The following ZBTB20 variants were observed in gnomAD, a reference collection of about 807,000 sequenced individuals.
ZBTB20 encodes zinc finger and BTB domain-containing protein 20.
ZBTB20 carries 9 observed loss-of-function variants against 56.9 expected under a neutral mutation model. That is an observed-to-expected ratio of 0.16 (90% CI 0.10 to 0.28). The LOEUF (loss-of-function observed/expected upper bound fraction) is 0.28. ZBTB20 is among the 10% of genes least tolerant of loss of function. The pLI is 1.00. For synonymous variants in ZBTB20, 417 were observed against 420.7 expected (o/e 0.99, Z 0.11); for missense variants, 655 against 1,003.0 (o/e 0.65, Z 4.69).
chr3:114,993,573 C>T (rs2078908178), intron 2 of ZBTB20, among the ~76,000 whole-genome samples: 1 of 151,428 alleles, frequency 6.6e-6, no homozygotes, highest in South Asian at 2.1e-4. Context: ...GGTATCTGAC[C>T]ACAATGGAAT....
intron 2 of ZBTB20, among the ~76,000 whole-genome samples, chr3:115,004,158 G>C (rs1391780322): frequency 1.3e-5 from 2 of 151,580 alleles, no homozygotes; most frequent in African/African-American, 2.4e-5. Flanking sequence ...TCTGCTCGTG[G>C]TTTCAATCTC....
intron 5 of ZBTB20, among the ~76,000 whole-genome samples, chr3:114,748,299 T>C (rs2067229457): frequency 1.5e-5 from 2 of 135,614 alleles, no homozygotes; most frequent in African/African-American, 3.0e-5. Context: ...TCTTTCTTTC[T>C]TTCTTTCTTT....
At chr3:114,503,587 T>C (rs1196244327) in intron 6 of ZBTB20, among the ~76,000 whole-genome samples, 1 of 152,222 alleles carries the variant, frequency 6.6e-6, no homozygotes, top group Admixed American at 6.5e-5. Flanking sequence ...GAATTATCTA[T>C]AAAAGTTTCA....
intron 6 of ZBTB20, among the ~76,000 whole-genome samples, chr3:114,690,733 C>A (rs1023345949): frequency 6.6e-6 from 1 of 152,116 alleles, no homozygotes; most frequent in African/African-American, 2.4e-5. Flanking sequence ...TTTCTAAATG[C>A]CTCACATACC....
At chr3:114,609,577 G>A (rs886192711) in intron 6 of ZBTB20, among the ~76,000 whole-genome samples, 25 of 152,178 alleles carry the variant, frequency 1.6e-4, no homozygotes, top group Non-Finnish European at 4.4e-5. Flanking sequence ...ATATTGAGAT[G>A]ATGAAGACCA....
At chr3:114,865,379 T>A (rs2075723705) in intron 4 of ZBTB20, among the ~76,000 whole-genome samples, 2 of 152,206 alleles carry the variant, frequency 1.3e-5, no homozygotes, top group African/African-American at 4.8e-5. Context: ...TCTGAAATTC[T>A]GCGTCTTCTT....
chr3:114,801,828 G>A (rs2071744213), intron 4 of ZBTB20, among the ~76,000 whole-genome samples: 1 of 151,844 alleles, frequency 6.6e-6, no homozygotes, highest in African/African-American at 2.4e-5. Context: ...AGCAGCACAG[G>A]AAGACCAAGA....
intron 2 of ZBTB20, among the ~76,000 whole-genome samples, chr3:115,050,720 T>C (rs2081514254): frequency 6.6e-6 from 1 of 152,048 alleles, no homozygotes. Context: ...AGGTAACTTT[T>C]CACCGAAACT....
Position 115,043,350 on chromosome 3 carries a change from G to A in ZBTB20, c.-507+27869C>T, listed in dbSNP as rs183697423. Among the ~76,000 whole-genome samples, 592 of 151,572 alleles carry A rather than the reference G, an allele frequency of 3.9e-3. 4 individuals are homozygous for A. The highest frequency in any genetic ancestry group is 0.013 in the African/African-American group (552 of 41,304). On this transcript the variant is annotated intron_variant, in intron 2 of 11. Coordinates refer to ENST00000675478, the MANE Select transcript of ZBTB20 (RefSeq NM_001348800.3). Reference sequence around the variant, plus strand: ...AAGGTGGGCGGATCACTTGAGGTCAGGAGTTTGAAACCAGCCTGGCCAACA... The same window carrying A: ...AAGGTGGGCGGATCACTTGAGGTCAAGAGTTTGAAACCAGCCTGGCCAACA...
At chr3:114,895,967 C>G (rs1048232285) in intron 4 of ZBTB20, among the ~76,000 whole-genome samples, 2 of 152,088 alleles carry the variant, frequency 1.3e-5, no homozygotes, top group African/African-American at 4.8e-5. Flanking sequence ...TAAATTCAAA[C>G]TCAAGCATGA....
chr3:115,035,992 G>A (rs1234168167), intron 2 of ZBTB20, among the ~76,000 whole-genome samples: 1 of 152,156 alleles, frequency 6.6e-6, no homozygotes, highest in Admixed American at 6.5e-5. Context: ...AATATTGTAT[G>A]ATCCAATTTA....
At chr3:114,377,094 TG>T (rs1366103926) in intron 10 of ZBTB20, among the ~76,000 whole-genome samples, 1 of 152,216 alleles carries the variant, frequency 6.6e-6, no homozygotes, top group East Asian at 1.9e-4. Flanking sequence ...AGGGAGCACT[TG>T]GCTCAGCTCA....
intron 2 of ZBTB20, among the ~76,000 whole-genome samples, chr3:114,991,486 T>C (rs2078807351): frequency 6.6e-6 from 1 of 152,166 alleles, no homozygotes; most frequent in East Asian, 1.9e-4. Flanking sequence ...TTATAATTTC[T>C]GTTCTTTTAC....
At chr3:114,762,649 G>A (rs1283296421) in intron 5 of ZBTB20, among the ~76,000 whole-genome samples, 1 of 152,116 alleles carries the variant, frequency 6.6e-6, no homozygotes, top group Non-Finnish European at 1.5e-5. Context: ...TATTTTGTAT[G>A]GGAAAACCAG....
At chr3:114,871,902 G>A (rs610824) in intron 4 of ZBTB20, among the ~76,000 whole-genome samples, 8,950 of 152,010 alleles carry the variant, frequency 0.059, 907 homozygotes, top group African/African-American at 0.21. Context: ...TTCAAAATAT[G>A]CTCCTAATCT....
At chr3:114,358,668 A>G (rs1046267895) in intron 10 of ZBTB20, among the ~76,000 whole-genome samples, 5 of 152,148 alleles carry the variant, frequency 3.3e-5, no homozygotes, top group African/African-American at 1.2e-4. Flanking sequence ...AATACAACTG[A>G]CTTATGAATG....
In ZBTB20 at chr3:114,844,540, AAAAAAAAAAAAACTT is replaced by A. The variant is rs1394402338; in HGVS notation, c.-416-43381_-416-43367del. Among the ~76,000 whole-genome samples, 1,246 of 142,144 alleles carry A rather than the reference AAAAAAAAAAAAACTT, an allele frequency of 8.8e-3. 30 individuals are homozygous for A. Among genetic ancestry groups the A allele is most frequent in the African/African-American group, 0.03 (1,171 of 38,640 alleles). 93.3% of individuals were successfully genotyped at this position (142,144 alleles called of 152,430 possible). On this transcript the variant is annotated intron_variant, in intron 4 of 11. Transcript: ENST00000675478. ...TGTCTCAAAAAAAAAAAAAAAAAAA[AAAAAAAAAAAAACTT>A]TCATTTCTCTTGTGTAAACATGTAG...
At position 114,748,222 on chromosome 3, in the gene ZBTB20, T is replaced by C. The variant is rs188606613; in HGVS notation, c.-343+52879A>G. 2.4e-3 allele frequency among the ~76,000 whole-genome samples: 372 copies of C among 152,256 alleles called. 2 individuals carry two copies. The highest frequency in any genetic ancestry group is 5.6e-3 in the Admixed American group (86 of 15,302). ...CCAGAATCTTAACATAAATTTTTTA[T>C]AGTTTTCTTTTCAAGGGACTATTTG... On this transcript the variant is annotated intron_variant, in intron 5 of 11. Transcript: ENST00000675478.
chr3:115,022,576 T>C (rs1265274800), intron 2 of ZBTB20, among the ~76,000 whole-genome samples: 1 of 151,098 alleles, frequency 6.6e-6, no homozygotes, highest in East Asian at 1.9e-4. Flanking sequence ...ACCTGGCCTG[T>C]ATAGTTATAG....
Sources: allele counts gnomAD v4.1 joint callset (sites outside exome capture counted in the v4.1 genomes callset), GRCh38; gene constraint gnomAD v4.1.1; transcripts MANE v1.5; gene names NCBI Gene and HGNC (gene_info 2026-07-23, HGNC 2026-07-21).